The following IQCK variants were observed in gnomAD, a reference collection of about 807,000 sequenced individuals.
IQCK encodes IQ motif containing K, also known as IQ domain-containing protein K.
Under a neutral mutation model 28.1 loss-of-function variants are expected in IQCK, and 29 were observed. The observed-to-expected ratio is 1.03, with a 90% CI of 0.77 to 1.41. The LOEUF (loss-of-function observed/expected upper bound fraction) is 1.41, where lower values mean the gene tolerates loss of function less well. Among genes scored for constraint, IQCK ranks in the 40% most tolerant of loss-of-function variants. The pLI is 0.00. For synonymous variants in IQCK, 113 were observed against 115.1 expected (o/e 0.98, Z 0.12); for missense variants, 359 against 314.7 (o/e 1.14, Z -1.07).
At chr16:19,725,608 A>G (rs1286946643) in intron 1 of IQCK, among the ~76,000 whole-genome samples, 1 of 152,188 alleles carries the variant, frequency 6.6e-6, no homozygotes, top group African/African-American at 2.4e-5. Flanking sequence ...ATGGTAAATC[A>G]AGTTGTTTTA....
intron 6 of IQCK, among the ~76,000 whole-genome samples, chr16:19,779,207 A>G (rs2055441066): frequency 6.6e-6 from 1 of 152,194 alleles, no homozygotes; most frequent in Admixed American, 6.5e-5. Flanking sequence ...ACTGAAATCA[A>G]CCTAATAGTG....
At chr16:19,810,496 C>CA (rs557787682) in intron 7 of IQCK, among the ~76,000 whole-genome samples, 26,102 of 107,386 alleles carry the variant, frequency 0.24, 2,751 homozygotes, top group Middle Eastern at 0.36. Context: ...GACTCCGTCT[C>CA]AAAAAAAAAA....
At chr16:19,749,488 G>A (rs576555349) in intron 4 of IQCK, among the ~76,000 whole-genome samples, 2 of 152,286 alleles carry the variant, frequency 1.3e-5, no homozygotes, top group South Asian at 2.1e-4. Flanking sequence ...GACTGGGCAT[G>A]GTGGCTCACA....
At chr16:19,829,439 C>T (rs1008542155), downstream of IQCK, among the ~76,000 whole-genome samples, 2 of 151,968 alleles carry the variant, frequency 1.3e-5, no homozygotes, top group African/African-American at 4.8e-5. Context: ...GGGGTTCAAG[C>T]GATTCTCATG....
intron 9 of IQCK, among the ~76,000 whole-genome samples, chr16:19,840,874 G>C (rs1386452756): frequency 1.3e-5 from 2 of 152,218 alleles, no homozygotes; most frequent in Non-Finnish European, 2.9e-5. Flanking sequence ...AAGTCCATTA[G>C]GACTTCTGGT....
intron 4 of IQCK, among the ~76,000 whole-genome samples, chr16:19,752,096 CTG>C (rs113959407): frequency 0.052 from 7,982 of 152,200 alleles, 662 homozygotes; most frequent in African/African-American, 0.18. Context: ...CAAATTAAGT[CTG>C]AGATGTGTAA....
intron 6 of IQCK, among the ~76,000 whole-genome samples, chr16:19,782,039 C>T (rs2055492639): frequency 1.3e-5 from 2 of 151,302 alleles, no homozygotes; most frequent in Admixed American, 6.6e-5. Context: ...ATTTGGGAAC[C>T]CGGTTAGGAT....
chr16:19,808,300 G>A (rs2055858481), intron 7 of IQCK, among the ~76,000 whole-genome samples: 2 of 152,150 alleles, frequency 1.3e-5, no homozygotes, highest in Admixed American at 1.3e-4. Flanking sequence ...CCCAGAAAAT[G>A]TCTTGCCAAC....
rs867904345 is a variant in IQCK at position 19,799,595 on chromosome 16, T to C, written c.690+10673T>C. 1.3e-3 allele frequency among the ~76,000 whole-genome samples: 144 copies of C among 112,282 alleles called. 6 individuals are homozygous for C. The highest frequency in any genetic ancestry group is 3.1e-3 in the African/African-American group (61 of 19,600). The allele number at this position is 112,282 out of a possible 152,430, so 73.7% of individuals were successfully genotyped here. A position where few individuals can be genotyped will look rare whatever the true frequency, so the allele number is the denominator to read the frequency against. ...CTATATTTTATTTTATATATATATA[T>C]ATACACACACACACACACACACACA... On this transcript the variant is annotated intron_variant, in intron 7 of 7. Coordinates refer to ENST00000564186, the Ensembl canonical transcript of IQCK.
intron 7 of IQCK, among the ~76,000 whole-genome samples, chr16:19,823,702 C>T (rs1157828125): frequency 1.9e-4 from 29 of 152,144 alleles, no homozygotes; most frequent in African/African-American, 2.4e-5. Context: ...TTTGGGACGC[C>T]GAGGTGGGCA....
intron 9 of IQCK, among the ~76,000 whole-genome samples, chr16:19,855,606 T>C (rs1010535267): frequency 2.6e-5 from 4 of 152,156 alleles, no homozygotes; most frequent in African/African-American, 7.2e-5. Flanking sequence ...GTGCATTTCA[T>C]GGGATGGTGT....
intron 7 of IQCK, among the ~76,000 whole-genome samples, chr16:19,812,843 A>AG (rs1448704273): frequency 1.3e-5 from 2 of 149,822 alleles, no homozygotes; most frequent in Non-Finnish European, 3.0e-5. Flanking sequence ...AGAAAAAGGT[A>AG]GGGGGGGAAA....
chr16:19,792,391 G>A (rs368053303), intron 7 of IQCK, among the ~76,000 whole-genome samples: 1 of 67,240 alleles, frequency 1.5e-5, no homozygotes, highest in Non-Finnish European at 2.3e-5. Flanking sequence ...GGTTTAGGCC[G>A]CATTTAATTT....
chr16:19,783,561 A>G (rs2055521963), intron 6 of IQCK, among the ~76,000 whole-genome samples: 2 of 151,762 alleles, frequency 1.3e-5, no homozygotes, highest in African/African-American at 4.8e-5. Flanking sequence ...CTTTATTTTT[A>G]TTTGACCTTA....
At chr16:19,774,742 A>G (rs1296912286) in intron 6 of IQCK, among the ~76,000 whole-genome samples, 1 of 152,230 alleles carries the variant, frequency 6.6e-6, no homozygotes, top group African/African-American at 2.4e-5. Flanking sequence ...GCTACCATTT[A>G]TGAAACACCT....
intron 9 of IQCK, among the ~76,000 whole-genome samples, chr16:19,849,776 A>AAAAGAAAAGAAAAAGAAGGAATG (rs1324616712): frequency 3.3e-5 from 5 of 151,982 alleles, no homozygotes; most frequent in Non-Finnish European, 5.9e-5. Flanking sequence ...AAAAAAAAGA[A>AAAAGAAAAGAAAAAGAAGGAATG]AAAGAAAAGA....
chr16:19,771,406 T>C (rs1230082152), intron 6 of IQCK, among the ~76,000 whole-genome samples: 3 of 152,246 alleles, frequency 2.0e-5, no homozygotes, highest in Non-Finnish European at 4.4e-5. Flanking sequence ...TCTGGGAATT[T>C]TGATGCAGAC....
chr16:19,759,107 TCTTG>T (rs2055095360), intron 4 of IQCK, among the ~76,000 whole-genome samples: 1 of 152,214 alleles, frequency 6.6e-6, no homozygotes, highest in Non-Finnish European at 1.5e-5. Context: ...TGAGTTTTTT[TCTTG>T]CTTTGATGCT....
exon 10 of IQCK, chr16:19,858,194 AAG>A (rs2056587447): frequency 6.8e-6 from 2 of 295,884 alleles, no homozygotes; most frequent in African/African-American, 2.2e-5. Context: ...TCATTAGAAA[AAG>A]AACAGCTCTC....
Sources: gnomAD v4.1 joint callset for allele counts (sites outside exome capture counted in the v4.1 genomes callset) on GRCh38, gnomAD v4.1.1 for gene constraint, MANE v1.5 for transcripts, NCBI Gene and HGNC (gene_info 2026-07-23, HGNC 2026-07-21) for gene names.